The following ADCY3 variants were observed in gnomAD, a reference collection of about 807,000 sequenced individuals.
ADCY3 encodes adenylate cyclase type 3.
In ADCY3, 70 loss-of-function variants were observed where a neutral mutation model predicts 119.4. That is an observed-to-expected ratio of 0.59 (90% CI 0.48 to 0.72). ADCY3 has a LOEUF of 0.72. ADCY3 is among the 30% of genes least tolerant of loss of function. ADCY3 has a pLI of 0.00. For missense variants in ADCY3, 1,238 were observed against 1,541.6 expected, an observed-to-expected ratio of 0.80 and a Z score of 3.30; for synonymous variants, 672 against 621.4, an observed-to-expected ratio of 1.08 and a Z score of -1.21.
chr2:24,853,786 AG>A, intron 3 of ADCY3, among the ~76,000 whole-genome samples: 1 of 152,150 alleles, frequency 6.6e-6, no homozygotes, highest in East Asian at 1.9e-4. Flanking sequence ...GTACCCGGCC[AG>A]TGAGCCTTAT....
chr2:24,825,919 A>T, intron 16 of ADCY3, 126 bp downstream of exon 16: 1 of 867,750 alleles, frequency 1.2e-6, no homozygotes. Context: ...GACCAGGCTC[A>T]CGTGTGGGGC....
At chr2:24,889,926 C>G (rs1033040239) in intron 2 of ADCY3, among the ~76,000 whole-genome samples, 1 of 152,224 alleles carries the variant, frequency 6.6e-6, no homozygotes, top group Admixed American at 6.5e-5. Flanking sequence ...AAAAAGAGAA[C>G]ATTCAGACTT....
At chr2:24,900,246 G>A (rs2148985485) in intron 2 of ADCY3, among the ~76,000 whole-genome samples, 1 of 146,238 alleles carries the variant, frequency 6.8e-6, no homozygotes, top group Admixed American at 6.9e-5. Flanking sequence ...GAGTAGCTGG[G>A]ATTACAGGTG....
intron 2 of ADCY3, among the ~76,000 whole-genome samples, chr2:24,876,032 G>T (rs1358168120): frequency 2.0e-5 from 3 of 151,552 alleles, no homozygotes; most frequent in Non-Finnish European, 4.4e-5. Flanking sequence ...TCACTCTGTT[G>T]CCCAGGCTGC....
chr2:24,910,796 A>G (rs571177049), intron 2 of ADCY3, among the ~76,000 whole-genome samples: 1 of 151,792 alleles, frequency 6.6e-6, no homozygotes, highest in South Asian at 2.1e-4. Context: ...ACAGGCGTGC[A>G]TCACCACGCC....
At chr2:24,902,369 C>A (rs1046626094) in intron 2 of ADCY3, among the ~76,000 whole-genome samples, 3 of 152,134 alleles carry the variant, frequency 2.0e-5, no homozygotes. Context: ...ACGTGAGCCA[C>A]CTTGCCCAGC....
chr2:24,912,242 C>T (rs571019257), intron 2 of ADCY3, among the ~76,000 whole-genome samples: 4 of 151,042 alleles, frequency 2.6e-5, no homozygotes, highest in South Asian at 2.1e-4. Context: ...GTGGGTGAAC[C>T]GCCTGAGCTC....
chr2:24,827,639 C>G, intron 14 of ADCY3, 31 bp from the exon 15 acceptor site: 1 of 1,568,028 alleles, frequency 6.4e-7, no homozygotes, highest in Non-Finnish European at 8.7e-7. Flanking sequence ...CAGTCAGGCC[C>G]CATCTGGGAA....
chr2:24,912,169 G>A (rs2149059160), intron 2 of ADCY3, among the ~76,000 whole-genome samples: 1 of 152,154 alleles, frequency 6.6e-6, no homozygotes, highest in African/African-American at 2.4e-5. Flanking sequence ...TCAAGAACGT[G>A]TAATTTGGTG....
At chr2:24,913,064 T>C (rs1573068601) in intron 2 of ADCY3, among the ~76,000 whole-genome samples, 2 of 152,362 alleles carry the variant, frequency 1.3e-5, no homozygotes, top group African/African-American at 2.4e-5. Context: ...CACGGAGGGA[T>C]GACGGCTTCT....
intron 2 of ADCY3, among the ~76,000 whole-genome samples, chr2:24,903,836 C>T (rs145070760): frequency 2.2e-4 from 33 of 152,318 alleles, no homozygotes; most frequent in Admixed American, 9.2e-4. Context: ...GTCACTAACC[C>T]TGCCGAGGAC....
Position 24,839,980 on chromosome 2 carries a change from G to A in ADCY3, c.1248C>T (p.His416=), listed in dbSNP as rs767567468. ...GGACGCCCCCCAGCACGGTGCCCGT[G>A]TGCACCCCCACACGCATGTCCACCC... ...KTGVDMRVGV[H]TGTVLGGVLG... is the part of the protein sequence containing the mutation. Residue 416 remains histidine, a synonymous_variant, in exon 7 of 22, where the codon CAC becomes CAT. Transcript: ENST00000679454. 4 of 1,613,708 alleles carry A rather than the reference G, an allele frequency of 2.5e-6. No individual in the cohort carries two copies. The highest frequency in any genetic ancestry group is 1.3e-5 in the African/African-American group (1 of 74,942).
At chr2:24,851,640 C>T (rs1672305834) in intron 3 of ADCY3, among the ~76,000 whole-genome samples, 1 of 152,126 alleles carries the variant, frequency 6.6e-6, no homozygotes, top group African/African-American at 2.4e-5. Context: ...TGTGAAGGTC[C>T]CCCCAGTGCC....
At chr2:24,904,188 A>C (rs902017693) in intron 2 of ADCY3, among the ~76,000 whole-genome samples, 3 of 152,218 alleles carry the variant, frequency 2.0e-5, no homozygotes, top group African/African-American at 7.2e-5. Context: ...AGAAAGAAAG[A>C]GAGAGAAAGA....
chr2:24,897,061 A>T (rs1223346116), intron 2 of ADCY3, among the ~76,000 whole-genome samples: 1 of 152,152 alleles, frequency 6.6e-6, no homozygotes, highest in Non-Finnish European at 1.5e-5. Flanking sequence ...CTCGACTGGA[A>T]GCAGAAGTCT....
intron 2 of ADCY3, among the ~76,000 whole-genome samples, chr2:24,897,795 C>T (rs1678452662): frequency 6.6e-6 from 1 of 152,184 alleles, no homozygotes; most frequent in South Asian, 2.1e-4. Flanking sequence ...TCTATGCTGG[C>T]TGAACGAATC....
Position 24,841,563 on chromosome 2 carries a change from A to C in ADCY3, c.1061T>G (p.Leu354Arg). The change falls in exon 5 of 22, where the codon CTG becomes CGG. Residue 354 changes from leucine (L) to arginine (R), a missense_variant. Coordinates refer to ENST00000679454, the MANE Select transcript of ADCY3 (RefSeq NM_004036.5). This position sits in a 1 kb window ranked among gnomAD's most constrained non-coding sequence, Gnocchi z 5.8. ...LNELFARFDK[L>R]AAKYHQLRIK... ...GCGGGGCCAGGGACTTACAGCTGCC[A>C]GCTTGTCAAAGCGGGCAAAGAGCTC... 1 of 1,612,636 alleles carries C rather than the reference A, an allele frequency of 6.2e-7. No homozygotes were observed. Among genetic ancestry groups the C allele is most frequent in the Non-Finnish European group, 8.5e-7 (1 of 1,179,612 alleles).
chr2:24,828,181 GCAGGGACACACGTT>G lies in ADCY3; in HGVS notation c.2173-34_2173-21del. The G allele has an allele frequency of 1.2e-6, 2 of 1,611,026 alleles. No individual in the cohort carries two copies. The highest frequency in any genetic ancestry group is 4.5e-5 in the East Asian group (2 of 44,834). The stretch of plus-strand genomic sequence containing the variant: ...GCTGAGCTGGAGGCCAGGACGGCGG[GCAGGGACACACGTT>G]CAAGAGAACAGCAGGTGCTGGTCAC... On this transcript the variant is annotated intron_variant, in intron 13 of 21. Transcript: ENST00000679454.
At chr2:24,883,209 A>C (rs1676615800) in intron 2 of ADCY3, among the ~76,000 whole-genome samples, 1 of 151,996 alleles carries the variant, frequency 6.6e-6, no homozygotes, top group Admixed American at 6.6e-5. Context: ...TTAGCTGGGC[A>C]TGGTGGCGGG....
Sources: gnomAD v4.1 joint callset for allele counts (sites outside exome capture counted in the v4.1 genomes callset) on GRCh38, gnomAD v4.1.1 for gene constraint, Gnocchi (gnomAD v3.1) non-coding constraint, MANE v1.5 for transcripts, NCBI Gene and HGNC (gene_info 2026-07-23, HGNC 2026-07-21) for gene names.